NRXN3: variants seen among roughly 807,000 people sequenced by gnomAD.
NRXN3 encodes the protein neurexin 3, also known as neurexin III.
In NRXN3, 32 loss-of-function variants were observed where a neutral mutation model predicts 137.6. That is an observed-to-expected ratio of 0.23 (90% confidence interval 0.18 to 0.31). NRXN3 has a LOEUF of 0.31. NRXN3 is among the 10% of genes least tolerant of loss of function. The probability of loss-of-function intolerance (pLI) is 1.00; values close to 1 mark genes in which losing one functional copy is unlikely to be tolerated. For missense variants in NRXN3, 1,574 were observed against 2,062.5 expected (o/e 0.76, Z 4.59); for synonymous variants, 798 against 784.5 (o/e 1.02, Z -0.29).
intron 10 of NRXN3, among the ~76,000 whole-genome samples, chr14:78,943,621 A>AAAATATATAT (rs1567777841): frequency 3.6e-5 from 1 of 27,882 alleles, no homozygotes; most frequent in Non-Finnish European, 6.1e-5. Context: ...AAAAAAAAAA[A>AAAATATATAT]ATATATATAT....
chr14:79,323,061 G>A (rs113363446), intron 15 of NRXN3, among the ~76,000 whole-genome samples: 29 of 152,256 alleles, frequency 1.9e-4, no homozygotes, highest in African/African-American at 5.8e-4. Flanking sequence ...TTGACACGGG[G>A]TCTAGCTCTG....
At chr14:78,717,439 C>G (rs183727886) in intron 8 of NRXN3, among the ~76,000 whole-genome samples, 1 of 152,164 alleles carries the variant, frequency 6.6e-6, no homozygotes, top group East Asian at 1.9e-4. Flanking sequence ...GATATTTGAT[C>G]TATACATCGC....
intron 8 of NRXN3, among the ~76,000 whole-genome samples, chr14:78,737,473 A>C (rs2098546152): frequency 6.6e-6 from 1 of 152,148 alleles, no homozygotes. Flanking sequence ...TGATCTTTGC[A>C]GAGCAAAGTG....
intron 6 of NRXN3, among the ~76,000 whole-genome samples, chr14:78,652,538 C>T (rs2097755289): frequency 6.6e-6 from 1 of 152,210 alleles, no homozygotes; most frequent in Non-Finnish European, 1.5e-5. Context: ...ACTTGAGAAG[C>T]AAACAGTGTT....
intron 10 of NRXN3, among the ~76,000 whole-genome samples, chr14:78,943,095 G>A (rs893803661): frequency 2.0e-5 from 3 of 152,024 alleles, no homozygotes; most frequent in African/African-American, 7.3e-5. Flanking sequence ...GATGGTTCAG[G>A]GAGCAACACA....
chr14:78,213,664 A>G (rs2062967268), intron 1 of NRXN3, among the ~76,000 whole-genome samples: 1 of 152,062 alleles, frequency 6.6e-6, no homozygotes, highest in African/African-American at 2.4e-5. Flanking sequence ...GAATGCAGTG[A>G]TGGATCCAAA....
chr14:78,935,837 A>G (rs902715228), intron 10 of NRXN3, among the ~76,000 whole-genome samples: 1 of 152,140 alleles, frequency 6.6e-6, no homozygotes, highest in Non-Finnish European at 1.5e-5. Context: ...AGTGTAAGTG[A>G]TCCTCAACTT....
chr14:78,201,948 C>T (rs1273544218), intron 1 of NRXN3, among the ~76,000 whole-genome samples: 5 of 152,326 alleles, frequency 3.3e-5, no homozygotes, highest in Admixed American at 1.3e-4. Context: ...GTCGCCAGGG[C>T]GGAAATTGGC....
intron 9 of NRXN3, among the ~76,000 whole-genome samples, chr14:78,808,157 A>G (rs918405320): frequency 1.3e-5 from 2 of 152,192 alleles, no homozygotes; most frequent in Non-Finnish European, 2.9e-5. Flanking sequence ...TTCTTCAGGT[A>G]AAATAACAAA....
chr14:79,438,878 G>A (rs1007895643), intron 15 of NRXN3, among the ~76,000 whole-genome samples: 1 of 152,232 alleles, frequency 6.6e-6, no homozygotes, highest in African/African-American at 2.4e-5. Context: ...CTTCACTTAT[G>A]CCCGGCTGAT....
chr14:79,648,215 A>AC (rs1555599207), intron 16 of NRXN3, among the ~76,000 whole-genome samples: 21 of 128,992 alleles, frequency 1.6e-4, no homozygotes, highest in East Asian at 4.0e-4. Flanking sequence ...CAAACAAAAA[A>AC]CAGAAAACTT....
At chr14:79,839,182 A>G (rs535830011) in intron 20 of NRXN3, among the ~76,000 whole-genome samples, 60 of 151,930 alleles carry the variant, frequency 3.9e-4, no homozygotes, top group Admixed American at 1.2e-3. Context: ...CTTGGTTGCT[A>G]TGAATCTCCT....
In NRXN3 at chr14:78,243,653, G is replaced by A. The variant is rs776051040; in HGVS notation, c.560G>A (p.Arg187Gln). 6.9e-6 allele frequency: 11 copies of A among 1,598,276 alleles called. No homozygotes were observed. The highest frequency in any genetic ancestry group is 2.7e-5 in the African/African-American group (2 of 74,910). ...LDLKYGNSEP[R>Q]LLGSRGVQMD... ...CTCAAGTATGGAAACTCGGAGCCTC[G>A]GCTTCTGGGGAGCCGGGGTGTCCAG... Residue 187 changes from arginine (R) to glutamine (Q), a missense_variant, in exon 2 of 21, where the codon CGG (arginine) becomes CAG (glutamine). Coordinates refer to ENST00000335750, the MANE Select transcript of NRXN3 (RefSeq NM_001330195.2). The surrounding 1 kb of genome is among the most constrained non-coding windows in gnomAD (Gnocchi z 4.2).
chr14:78,452,983 T>A (rs2094586773), intron 4 of NRXN3, among the ~76,000 whole-genome samples: 1 of 152,238 alleles, frequency 6.6e-6, no homozygotes, highest in Admixed American at 6.5e-5. Context: ...TTACATTTTC[T>A]TTAGAAAGTA....
chr14:79,670,086 C>T (rs1419634985), intron 17 of NRXN3, among the ~76,000 whole-genome samples: 1 of 152,000 alleles, frequency 6.6e-6, no homozygotes, highest in Non-Finnish European at 1.5e-5. Context: ...ATGTCCTAGG[C>T]ACTGAAGGCT....
chr14:79,154,994 A>T (rs1403124188), intron 15 of NRXN3, among the ~76,000 whole-genome samples: 2 of 151,872 alleles, frequency 1.3e-5, no homozygotes, highest in African/African-American at 4.8e-5. Context: ...TTATGAGTAT[A>T]CAGAGATTGA....
At chr14:79,674,265 T>A (rs991242436) in intron 17 of NRXN3, among the ~76,000 whole-genome samples, 3 of 152,046 alleles carry the variant, frequency 2.0e-5, no homozygotes, top group African/African-American at 7.2e-5. Flanking sequence ...ACTTAAATTT[T>A]TTTTTTACAG....
intron 5 of NRXN3, 25 bp downstream of exon 5, chr14:78,645,446 C>T (rs1400538426): frequency 1.3e-6 from 2 of 1,541,410 alleles, no homozygotes; most frequent in Non-Finnish European, 1.7e-6. Context: ...GAGAGAATTC[C>T]TGGAAGGCTC....
intron 15 of NRXN3, among the ~76,000 whole-genome samples, chr14:79,064,726 T>C (rs1445794572): frequency 6.6e-5 from 4 of 60,646 alleles, no homozygotes; most frequent in Non-Finnish European, 1.7e-4. Flanking sequence ...TAATTACCCA[T>C]ATATATGTAT....
Sources: gnomAD v4.1 joint callset for allele counts (sites outside exome capture counted in the v4.1 genomes callset) on GRCh38, gnomAD v4.1.1 for gene constraint, Gnocchi (gnomAD v3.1) non-coding constraint, MANE v1.5 for transcripts, NCBI Gene and HGNC (gene_info 2026-07-23, HGNC 2026-07-21) for gene names.